Variants in TMEM230 observed in about 807,000 individuals in gnomAD.
TMEM230 encodes transmembrane protein 230.
Under a neutral mutation model 15.8 loss-of-function variants are expected in TMEM230, and 10 were observed. That is an observed-to-expected ratio of 0.63 (90% CI 0.39 to 1.07). TMEM230 has a LOEUF of 1.07. Among genes scored for constraint, TMEM230 ranks in the 50% least tolerant of loss-of-function variants. The pLI is 0.01. For synonymous variants in TMEM230, 67 were observed against 76.9 expected (o/e 0.87, Z 0.68); for missense variants, 165 against 193.3 (o/e 0.85, Z 0.87).
At chr20:5,096,342 G>T (rs2066347095), downstream of TMEM230, among the ~76,000 whole-genome samples, 1 of 152,218 alleles carries the variant, frequency 6.6e-6, no homozygotes. Flanking sequence ...ATCACCTTGT[G>T]AGGTAGGAAT....
At chr20:5,065,176 T>G (rs530079381), downstream of TMEM230, among the ~76,000 whole-genome samples, 1 of 152,044 alleles carries the variant, frequency 6.6e-6, no homozygotes, top group Non-Finnish European at 1.5e-5. Context: ...CCCAGCACTT[T>G]GGGAGGCCGA....
intron 4 of TMEM230, among the ~76,000 whole-genome samples, chr20:5,104,366 G>A (rs1356974246): frequency 6.6e-6 from 1 of 152,134 alleles, no homozygotes; most frequent in Non-Finnish European, 1.5e-5. Flanking sequence ...AGCCAAAATG[G>A]CTTTTATCCA....
chr20:5,102,058 T>A (rs1002044078), intron 4 of TMEM230, among the ~76,000 whole-genome samples: 5 of 152,232 alleles, frequency 3.3e-5, no homozygotes, highest in African/African-American at 1.2e-4. Flanking sequence ...CTCAGCCATG[T>A]TGTTCCAAAC....
chr20:5,110,487 G>T (rs906126755), intron 2 of TMEM230, among the ~76,000 whole-genome samples: 1 of 152,056 alleles, frequency 6.6e-6, no homozygotes, highest in African/African-American at 2.4e-5. Context: ...GTTTTACCAC[G>T]TTGGCCAGGC....
chr20:5,075,759 T>A (rs1226247421), intron 3 of TMEM230, among the ~76,000 whole-genome samples: 1 of 151,822 alleles, frequency 6.6e-6, no homozygotes, highest in African/African-American at 2.4e-5. Flanking sequence ...ATAAAAATAA[T>A]CTTTTTCCTA....
At chr20:5,106,709 ATT>A (rs961362341) in intron 3 of TMEM230, among the ~76,000 whole-genome samples, 1 of 151,836 alleles carries the variant, frequency 6.6e-6, no homozygotes, top group Admixed American at 6.6e-5. Flanking sequence ...GCCCGGCCTA[ATT>A]TTTATGATTT....
At chr20:5,075,692 T>C (rs2122565420) in intron 3 of TMEM230, among the ~76,000 whole-genome samples, 1 of 151,998 alleles carries the variant, frequency 6.6e-6, no homozygotes, top group Middle Eastern at 3.4e-3. Context: ...ACCACTTCAC[T>C]CCAGCCTGGG....
downstream of TMEM230, among the ~76,000 whole-genome samples, chr20:5,097,863 G>A (rs1007734034): frequency 1.9e-5 from 2 of 103,972 alleles, no homozygotes; most frequent in Admixed American, 1.0e-4. Flanking sequence ...CACCCACCTC[G>A]GCCTCCCAAG....
chr20:5,085,176 C>T (rs2089298227), intron 3 of TMEM230, among the ~76,000 whole-genome samples: 1 of 152,178 alleles, frequency 6.6e-6, no homozygotes, highest in South Asian at 2.1e-4. Context: ...TCTGATCTCA[C>T]CGTAGGTACA....
At chr20:5,097,177 T>G (rs1185010152), downstream of TMEM230, among the ~76,000 whole-genome samples, 1 of 152,174 alleles carries the variant, frequency 6.6e-6, no homozygotes, top group Non-Finnish European at 1.5e-5. Flanking sequence ...TGGCTGCTAG[T>G]TTGCAACCTG....
intron 3 of TMEM230, among the ~76,000 whole-genome samples, chr20:5,085,597 T>C (rs1227378924): frequency 6.6e-6 from 1 of 152,172 alleles, no homozygotes; most frequent in Non-Finnish European, 1.5e-5. Context: ...CCTGAATCTT[T>C]TCATGAGCCA....
intron 2 of TMEM230, among the ~76,000 whole-genome samples, 194 bp from the exon 2 acceptor site, chr20:5,109,639 C>T (rs1166669764): frequency 6.6e-6 from 1 of 152,032 alleles, no homozygotes; most frequent in African/African-American, 2.4e-5. Flanking sequence ...ACCAGATATG[C>T]CTCTGACACA....
intron 3 of TMEM230, among the ~76,000 whole-genome samples, chr20:5,088,689 A>AT (rs953889687): frequency 2.0e-5 from 3 of 151,688 alleles, no homozygotes; most frequent in Non-Finnish European, 4.4e-5. Context: ...ATTAAAAAAA[A>AT]TTTTTTTGTA....
chr20:5,065,912 G>A (rs528742992), downstream of TMEM230, among the ~76,000 whole-genome samples: 106 of 152,298 alleles, frequency 7.0e-4, no homozygotes, highest in African/African-American at 2.4e-3. Context: ...GGAGACCCCC[G>A]TCCCTGGAAT....
chr20:5,068,934 TG>T (rs1250382959), exon 4 of TMEM230: 4 of 401,616 alleles, frequency 1.0e-5, no homozygotes, highest in Admixed American at 4.3e-5. Flanking sequence ...GGAACAGAGG[TG>T]GGGCCATGGG....
chr20:5,106,111 A>G lies in TMEM230; in HGVS notation c.411+77T>C, dbSNP rs1568504732. The G allele has an allele frequency of 7.5e-5, 114 of 1,525,530 alleles. 1 individual carries two copies. Among genetic ancestry groups the G allele is most frequent in the South Asian group, 6.1e-4 (49 of 80,108 alleles). The allele number at this position is 1,525,530 out of a possible 1,614,324, so 94.5% of individuals were successfully genotyped here. On this transcript the variant is annotated intron_variant, in intron 4 of 4. Coordinates refer to ENST00000342308, the MANE Select transcript of TMEM230 (RefSeq NM_001009923.2). ...CACACACACACACACACACACACAC[A>G]CACACACACGCACACTAGAGCCTTG...
chr20:5,103,334 C>T (rs141522543), intron 4 of TMEM230, among the ~76,000 whole-genome samples: 2 of 151,956 alleles, frequency 1.3e-5, no homozygotes. Flanking sequence ...TATGGTGACT[C>T]ACACCTGTAA....
At chr20:5,085,619 A>G (rs2089312674) in intron 3 of TMEM230, among the ~76,000 whole-genome samples, 1 of 151,944 alleles carries the variant, frequency 6.6e-6, no homozygotes, top group African/African-American at 2.4e-5. Flanking sequence ...GTTCCTCTTT[A>G]CATCTTTACC....
At chr20:5,092,631 G>A (rs370062395) in intron 3 of TMEM230, among the ~76,000 whole-genome samples, 2 of 151,034 alleles carry the variant, frequency 1.3e-5, no homozygotes, top group African/African-American at 2.4e-5. Context: ...CAGGAGAATC[G>A]CTTGAACCCG....
Sources: gnomAD v4.1 joint callset for allele counts (sites outside exome capture counted in the v4.1 genomes callset) on GRCh38, gnomAD v4.1.1 for gene constraint, MANE v1.5 for transcripts, NCBI Gene and HGNC (gene_info 2026-07-23, HGNC 2026-07-21) for gene names.